The following RREB1 variants were observed in gnomAD, a reference collection of about 807,000 sequenced individuals.
RREB1 encodes the protein ras-responsive element-binding protein 1.
RREB1 carries 27 observed loss-of-function variants against 117.8 expected under a neutral mutation model. That is an observed-to-expected ratio of 0.23 (90% CI 0.17 to 0.32). The LOEUF (loss-of-function observed/expected upper bound fraction) is 0.32, where lower values mean the gene tolerates loss of function less well. Ranked by LOEUF, RREB1 falls within the 10% of genes least tolerant of loss-of-function variation. The pLI is 1.00. For missense variants in RREB1, 2,577 were observed against 2,378.2 expected (o/e 1.08, Z -1.74); for synonymous variants, 1,298 against 1,026.7 (o/e 1.26, Z -5.05).
intron 1 of RREB1, among the ~76,000 whole-genome samples, chr6:7,148,550 G>C (rs1413277445): frequency 6.8e-6 from 1 of 148,144 alleles, no homozygotes; most frequent in East Asian, 2.0e-4. Flanking sequence ...AGTGGGGGGG[G>C]GTGGGTATGT....
At chr6:7,220,023 C>T (rs919958365) in intron 8 of RREB1, among the ~76,000 whole-genome samples, 2 of 152,188 alleles carry the variant, frequency 1.3e-5, no homozygotes, top group African/African-American at 4.8e-5. Context: ...CCCAACACCA[C>T]AGCCCCCTCC....
chr6:7,224,692 A>T (rs568813614), intron 8 of RREB1, among the ~76,000 whole-genome samples: 1 of 152,162 alleles, frequency 6.6e-6, no homozygotes, highest in African/African-American at 2.4e-5. Context: ...GATCTGTCTC[A>T]TGGCCTGTGA....
intron 1 of RREB1, among the ~76,000 whole-genome samples, chr6:7,133,665 G>A (rs1390120236): frequency 2.0e-5 from 3 of 151,978 alleles, no homozygotes; most frequent in Admixed American, 6.6e-5. Flanking sequence ...ATAGTCCTAA[G>A]GATTAAAAAT....
rs1767840144 is a variant in RREB1 at position 7,230,173 on chromosome 6, A to G, written c.2074A>G (p.Thr692Ala). 2 of 1,607,070 alleles carry G rather than the reference A, an allele frequency of 1.2e-6. No homozygotes were observed. The highest frequency in any genetic ancestry group is 1.7e-6 in the Non-Finnish European group (2 of 1,179,894). The part of the protein sequence containing the change: ...DKAALIRHLR[T>A]HSGERPYICK... ...GGCCGCGCTCATCCGCCACCTGCGCACGCACAGTGGGGAGCGGCCCTACAT... is the reference window on the plus strand; with the variant it reads ...GGCCGCGCTCATCCGCCACCTGCGCGCGCACAGTGGGGAGCGGCCCTACAT... The change falls in exon 10 of 13, where the codon ACG (threonine) becomes GCG (alanine). Residue 692 changes from threonine (T) to alanine (A), a missense_variant. Thr to Ala is a moderately conservative substitution (Grantham distance 58). Transcript: ENST00000379938.
chr6:7,204,606 C>T (rs1561779437), intron 6 of RREB1, among the ~76,000 whole-genome samples: 1 of 152,126 alleles, frequency 6.6e-6, no homozygotes, highest in Non-Finnish European at 1.5e-5. Context: ...CTGTTTGAAC[C>T]TGTTGCCTCC....
At chr6:7,170,482 A>G (rs1398746214) in intron 1 of RREB1, among the ~76,000 whole-genome samples, 1 of 152,082 alleles carries the variant, frequency 6.6e-6, no homozygotes. Context: ...GTGATCCACA[A>G]CCACCTCCAA....
intron 6 of RREB1, among the ~76,000 whole-genome samples, chr6:7,210,137 A>T (rs1252301767): frequency 6.6e-6 from 1 of 152,262 alleles, no homozygotes; most frequent in Non-Finnish European, 1.5e-5. Context: ...CACATATTTT[A>T]TGTAATACTT....
At position 7,230,595 on chromosome 6, in the gene RREB1, C is replaced by A. The variant is rs774824920; in HGVS notation, c.2496C>A (p.Gly832=). 1.6e-5 allele frequency: 26 copies of A among 1,603,924 alleles called. No homozygotes were observed. In the East Asian group the frequency reaches 4.7e-4, roughly 29 times the overall value. The change falls in exon 10 of 13, where the codon GGC becomes GGA. Residue 832 remains glycine, a synonymous_variant. Coordinates refer to ENST00000379938, the MANE Select transcript of RREB1 (RefSeq NM_001003699.4). ...ESYVLAADGL[G]PAEAPAAEAS... ...ACGTGCTGGCCGCCGACGGCCTGGGCCCCGCAGAGGCGCCGGCCGCTGAGG... is the reference window on the plus strand; with the variant it reads ...ACGTGCTGGCCGCCGACGGCCTGGGACCCGCAGAGGCGCCGGCCGCTGAGG...
At chr6:7,175,315 T>C (rs563900874) in intron 1 of RREB1, among the ~76,000 whole-genome samples, 1 of 143,746 alleles carries the variant, frequency 7.0e-6, no homozygotes, top group African/African-American at 2.6e-5. Context: ...CTGACCCTCC[T>C]GGTACTGAAT....
intron 1 of RREB1, among the ~76,000 whole-genome samples, chr6:7,109,026 G>T (rs899582517): frequency 1.3e-5 from 2 of 151,674 alleles, no homozygotes; most frequent in Non-Finnish European, 1.5e-5. Context: ...CTCGCGGGCG[G>T]GGGGGGTGGG....
chr6:7,171,026 G>T (rs1764181235), intron 1 of RREB1, among the ~76,000 whole-genome samples: 1 of 152,196 alleles, frequency 6.6e-6, no homozygotes, highest in South Asian at 2.1e-4. Flanking sequence ...CTTGGGGTTT[G>T]TTTGGTGGAG....
At chr6:7,218,221 CCTT>C (rs1186149706) in intron 8 of RREB1, 5 of 152,146 alleles carry the variant, frequency 3.3e-5, no homozygotes, top group African/African-American at 9.7e-5. Flanking sequence ...GAAAATTCAC[CCTT>C]CTTGCTGATT....
At chr6:7,146,468 T>TC (rs1451460932) in intron 1 of RREB1, among the ~76,000 whole-genome samples, 1 of 152,054 alleles carries the variant, frequency 6.6e-6, no homozygotes, top group Non-Finnish European at 1.5e-5. Context: ...TCACTGCAAC[T>TC]CGGTGCCAGC....
rs1486198216 is a variant in RREB1, at chr6:7,221,029, T to TG, written c.708-5435dup. Among the ~76,000 whole-genome samples the TG allele has an allele frequency of 5.3e-5, 8 of 152,292 alleles. No individual in the cohort carries two copies. The East Asian group carries it at 1.5e-3, about 29-fold the overall frequency. ...TTGCAAAGCTTTCTCCTTGGGGCCT[T>TG]GGGAAGGCTGGATGAACCCTCGCGT... On this transcript the variant is annotated intron_variant, in intron 8 of 12. Transcript: ENST00000379938.
chr6:7,134,777 T>A (rs1051836446), intron 1 of RREB1, among the ~76,000 whole-genome samples: 1 of 152,208 alleles, frequency 6.6e-6, no homozygotes, highest in African/African-American at 2.4e-5. Flanking sequence ...GGAAGACAGA[T>A]CCTGCATATG....
rs141679227 is a variant in RREB1 at position 7,230,672 on chromosome 6, C to A, written c.2573C>A (p.Pro858His). ...TGCGCTGCCCTTGGTGACTGCAAGC[C>A]CCTCACTGCCTTCCTGGAACCCCAG... ...SGCAALGDCKPLTAFLEPQNG... is the reference protein window; with the variant it reads ...SGCAALGDCKHLTAFLEPQNG... The change falls in exon 10 of 13, where the codon CCC (proline) becomes CAC (histidine). Residue 858 changes from proline (P) to histidine (H), a missense_variant. Coordinates refer to ENST00000379938, the MANE Select transcript of RREB1 (RefSeq NM_001003699.4). The A allele has an allele frequency of 2.7e-5, 43 of 1,594,424 alleles. No individual in the cohort carries two copies. The African/African-American group carries it at 4.7e-4, about 17-fold the overall frequency.
intron 2 of RREB1, 22 bp downstream of exon 2, chr6:7,176,795 C>T (rs41302865): frequency 0.12 from 17,886 of 152,540 alleles, 1,357 homozygotes; most frequent in South Asian, 0.27. Flanking sequence ...AGTTTTCACT[C>T]GCAGTGAGTC....
chr6:7,138,663 T>C (rs951509779), intron 1 of RREB1, among the ~76,000 whole-genome samples: 1 of 152,226 alleles, frequency 6.6e-6, no homozygotes, highest in African/African-American at 2.4e-5. Flanking sequence ...ATTTCTTTAT[T>C]AATACCAGAA....
At chr6:7,112,839 T>G (rs1202236805) in intron 1 of RREB1, among the ~76,000 whole-genome samples, 1 of 152,254 alleles carries the variant, frequency 6.6e-6, no homozygotes, top group East Asian at 1.9e-4. Context: ...TCTTGTCACG[T>G]TCTCTGGTGT....
Sources: gnomAD v4.1 joint callset for allele counts (sites outside exome capture counted in the v4.1 genomes callset) on GRCh38, gnomAD v4.1.1 for gene constraint, MANE v1.5 for transcripts, NCBI Gene and HGNC (gene_info 2026-07-23, HGNC 2026-07-21) for gene names.